CLN6: variants seen among roughly 807,000 people sequenced by gnomAD.
CLN6 encodes ceroid-lipofuscinosis neuronal protein 6.
In CLN6, 22 loss-of-function variants were observed where a neutral mutation model predicts 33.3. The ratio of observed to expected loss-of-function variants is 0.66; its 90% CI spans 0.47 to 0.94. The LOEUF is 0.94. CLN6 is among the 40% of genes least tolerant of loss of function. CLN6 has a pLI of 0.00. For missense variants in CLN6, 387 were observed against 417.1 expected, an observed-to-expected ratio of 0.93 and a Z score of 0.63; for synonymous variants, 201 against 174.6, an observed-to-expected ratio of 1.15 and a Z score of -1.19.
intron 2 of CLN6, 150 bp from the exon 3 acceptor site, chr15:68,214,538 C>A: frequency 1.5e-6 from 1 of 661,216 alleles, no homozygotes; most frequent in Non-Finnish European, 2.8e-6. Flanking sequence ...GATCGCTGGA[C>A]CTTCTCGGCA....
chr15:68,214,740 C>T (rs3784352), intron 2 of CLN6: 12,662 of 343,192 alleles, frequency 0.037, 969 homozygotes, highest in African/African-American at 0.19. Context: ...CGTTGTGGCA[C>T]CAACTTGCTG....
intron 1 of CLN6, among the ~76,000 whole-genome samples, chr15:68,245,830 C>T (rs915665221): frequency 1.3e-5 from 2 of 151,920 alleles, no homozygotes; most frequent in South Asian, 4.1e-4. Flanking sequence ...ACCCAACTTA[C>T]CAATAGAGAC....
At chr15:68,233,746 A>T (rs1892189618), upstream of CLN6, among the ~76,000 whole-genome samples, 1 of 152,212 alleles carries the variant, frequency 6.6e-6, no homozygotes, top group Admixed American at 6.5e-5. This position sits in a 1 kb window ranked among gnomAD's most constrained non-coding sequence, Gnocchi z 4.3. Flanking sequence ...TACTTTGGAG[A>T]GAGGCAGCCA....
rs184305423 is a variant in CLN6 at position 68,219,117 on chromosome 15, C to G, written c.84-467G>C. Among the ~76,000 whole-genome samples the G allele has an allele frequency of 2.0e-3, 302 of 152,228 alleles. 2 individuals are homozygous for G. Among genetic ancestry groups the G allele is most frequent in the Middle Eastern group, 6.8e-3 (2 of 294 alleles). On this transcript the variant is annotated intron_variant, in intron 1 of 6. Coordinates refer to ENST00000249806, the MANE Select transcript of CLN6 (RefSeq NM_017882.3). The surrounding 1 kb of genome is among the most constrained non-coding windows in gnomAD (Gnocchi z 4.2). ...TGAAATATTACCTCCATTTTAGAAA[C>G]GAAAAAACTGAGGCCCAAGAGGCTC...
At chr15:68,217,759 G>A (rs1398714212) in intron 2 of CLN6, among the ~76,000 whole-genome samples, 2 of 152,092 alleles carry the variant, frequency 1.3e-5, no homozygotes, top group African/African-American at 4.8e-5. Context: ...GGGGTCTGGG[G>A]GCCATGAATA....
At chr15:68,216,291 T>C (rs905811446) in intron 2 of CLN6, among the ~76,000 whole-genome samples, 21 of 152,108 alleles carry the variant, frequency 1.4e-4, no homozygotes, top group Non-Finnish European at 2.6e-4. Context: ...TAGAAGAAGG[T>C]TCAGAGCAGC....
chr15:68,214,238 GGTGTGCA>G (rs1308143712), intron 3 of CLN6, 45 bp downstream of exon 3: 2 of 1,335,004 alleles, frequency 1.5e-6, no homozygotes, highest in African/African-American at 1.4e-5. Flanking sequence ...CTTCCTGCCA[GGTGTGCA>G]AAGAATGGGG....
At chr15:68,243,889 C>G (rs1892300441) in intron 1 of CLN6, among the ~76,000 whole-genome samples, 1 of 151,400 alleles carries the variant, frequency 6.6e-6, no homozygotes, top group Non-Finnish European at 1.5e-5. Flanking sequence ...CAGTGAAACC[C>G]CGTCTCTACT....
At chr15:68,244,043 T>TG (rs1274056018) in intron 1 of CLN6, among the ~76,000 whole-genome samples, 3 of 150,780 alleles carry the variant, frequency 2.0e-5, no homozygotes, top group South Asian at 2.1e-4. Context: ...CCAGCCTGGG[T>TG]GACAGAGGGA....
rs1032035413 is a variant in CLN6, at chr15:68,219,118, G to T, written c.84-468C>A. Among the ~76,000 whole-genome samples, 1 of 152,034 alleles carries T rather than the reference G, an allele frequency of 6.6e-6. No individual in the cohort carries two copies. The highest frequency in any genetic ancestry group is 1.5e-5 in the Non-Finnish European group (1 of 67,998). The stretch of plus-strand genomic sequence containing the variant: ...GAAATATTACCTCCATTTTAGAAAC[G>T]AAAAAACTGAGGCCCAAGAGGCTCA... On this transcript the variant is annotated intron_variant, in intron 1 of 6. Transcript: ENST00000249806. This position sits in a 1 kb window ranked among gnomAD's most constrained non-coding sequence, Gnocchi z 4.2.
chr15:68,252,635 G>T (rs1892392419), intron 1 of CLN6, among the ~76,000 whole-genome samples: 1 of 152,214 alleles, frequency 6.6e-6, no homozygotes, highest in Non-Finnish European at 1.5e-5. Context: ...AATATTCAGT[G>T]CAGTACTATT....
Position 68,229,509 on chromosome 15 carries a change from G to A in CLN6, c.76C>T (p.Gln26Ter). Residue 26 changes from glutamine (Q) to a stop codon, truncating the protein, a stop_gained, in exon 1 of 7, where the codon CAG becomes TAG. Transcript: ENST00000249806. LOFTEE classifies it high-confidence loss of function. ...ACCCCGGCGCGCGCCCACCTGGCCT[G>A]CAGGAAGGAGGCGCCCAGCTGCGCG... Reference protein sequence around the residue: ...PGAQLGASFLQARHGSVSADE... With the variant: ...PGAQLGASFL The A allele has an allele frequency of 1.4e-6, 2 of 1,467,168 alleles. No individual in the cohort carries two copies. The highest frequency in any genetic ancestry group is 2.4e-5 in the Admixed American group (1 of 42,332). 90.9% of individuals were successfully genotyped at this position (1,467,168 alleles called of 1,614,324 possible). A position where few individuals can be genotyped will look rare whatever the true frequency, so the allele number is the denominator to read the frequency against.
At position 68,236,223 on chromosome 15, in the gene CLN6, A is replaced by G. The variant is rs560108826; in HGVS notation, c.180-17573T>C. Among the ~76,000 whole-genome samples the G allele has an allele frequency of 3.3e-5, 5 of 152,354 alleles. No homozygotes were observed. The highest frequency in any genetic ancestry group is 2.0e-4 in the Admixed American group (3 of 15,304). On this transcript the variant is annotated intron_variant, in intron 1 of 6. Coordinates refer to the CLN6 transcript ENST00000538696. The surrounding 1 kb of genome is among the most constrained non-coding windows in gnomAD (Gnocchi z 4.5). ...CAGGTCCTCAAACTGTTAAATACAG[A>G]GTTAGTACATGACCCAGCAACTCTG...
chr15:68,214,499 C>G, intron 2 of CLN6, 111 bp from the exon 3 acceptor site: 1 of 726,894 alleles, frequency 1.4e-6, no homozygotes, highest in East Asian at 2.7e-5. Context: ...TCACCCCCCA[C>G]CCCATCATGT....
intron 1 of CLN6, among the ~76,000 whole-genome samples, chr15:68,240,974 C>A (rs1892275022): frequency 6.7e-6 from 1 of 148,192 alleles, no homozygotes; most frequent in Non-Finnish European, 1.5e-5. Flanking sequence ...ACAGAAGGAG[C>A]CTCCATCTCC....
In CLN6 at chr15:68,217,149, T is replaced by C. The variant is rs564652906; in HGVS notation, c.198+1387A>G. ...TCAGTAAAAATGCATTAAACACTTA[T>C]TGTGTTAGGCACTATTCTAAGTACT... On this transcript the variant is annotated intron_variant, in intron 2 of 6. Coordinates refer to ENST00000249806, the MANE Select transcript of CLN6 (RefSeq NM_017882.3). Among the ~76,000 whole-genome samples, 13 of 152,382 alleles carry C rather than the reference T, an allele frequency of 8.5e-5. No homozygotes were observed. In the East Asian group the frequency reaches 2.1e-3, roughly 25 times the overall value.
rs151186473 is a variant in CLN6, at chr15:68,208,254, C to T, written c.822G>A (p.Ala274=). The T allele has an allele frequency of 5.3e-4, 856 of 1,614,060 alleles. 2 individuals are homozygous for T. The highest frequency in any genetic ancestry group is 1.2e-3 in the South Asian group (107 of 91,084). ...CATTCCACAGCCAGGCGACCCAGAG[C>T]GCCACAAGCAAGAGGGTCAGTGCGA... ...SSFALTLLLV[A]LWVAWLWNDP... is the part of the protein sequence containing the mutation. Residue 274 remains alanine (A), a synonymous_variant, in exon 7 of 7, where the codon GCG becomes GCA. Transcript: ENST00000249806. The surrounding 1 kb of genome is among the most constrained non-coding windows in gnomAD (Gnocchi z 5.8).
At position 68,211,924 on chromosome 15, in the gene CLN6, C is replaced by T. The variant is rs970668097; in HGVS notation, c.298-61G>A. 1.3e-6 allele frequency: 2 copies of T among 1,540,250 alleles called. No individual in the cohort carries two copies. Among genetic ancestry groups the T allele is most frequent in the Non-Finnish European group, 1.8e-6 (2 of 1,120,362 alleles). On this transcript the variant is annotated intron_variant, in intron 3 of 6. Transcript: ENST00000249806. The surrounding 1 kb of genome is among the most constrained non-coding windows in gnomAD (Gnocchi z 5.9). Reference sequence around the variant, plus strand: ...CCTCTGTCACAGTATGTGACACCCTCTGCTTCCCCCCTCACACCTGGGGTG... The same window carrying T: ...CCTCTGTCACAGTATGTGACACCCTTTGCTTCCCCCCTCACACCTGGGGTG...
chr15:68,229,139 G>A (rs1425837101), intron 1 of CLN6, among the ~76,000 whole-genome samples: 1 of 152,144 alleles, frequency 6.6e-6, no homozygotes, highest in African/African-American at 2.4e-5. Context: ...GAGTGACGAG[G>A]TGTGTGTACC....
Sources: gnomAD v4.1 joint callset for allele counts (sites outside exome capture counted in the v4.1 genomes callset) on GRCh38, gnomAD v4.1.1 for gene constraint, Gnocchi (gnomAD v3.1) non-coding constraint, MANE v1.5 for transcripts, NCBI Gene and HGNC (gene_info 2026-07-23, HGNC 2026-07-21) for gene names.